The following BMP6 variants were observed in gnomAD, a reference collection of about 807,000 sequenced individuals.
The protein encoded by BMP6 is bone morphogenetic protein 6.
In BMP6, 17 loss-of-function variants were observed where a neutral mutation model predicts 54.1. That is an observed-to-expected ratio of 0.31 (90% CI 0.22 to 0.47). The LOEUF (loss-of-function observed/expected upper bound fraction) is 0.47, where lower values mean the gene tolerates loss of function less well. Ranked by LOEUF, BMP6 falls within the 20% of genes least tolerant of loss-of-function variation. The pLI, the probability that BMP6 is intolerant of heterozygous loss-of-function variation, is 1.00. For synonymous variants in BMP6, 328 were observed against 291.2 expected, an observed-to-expected ratio of 1.13 and a Z score of -1.28; for missense variants, 720 against 690.4, an observed-to-expected ratio of 1.04 and a Z score of -0.48.
intron 1 of BMP6, among the ~76,000 whole-genome samples, chr6:7,837,034 T>C (rs1758886742): frequency 6.6e-6 from 1 of 152,254 alleles, no homozygotes. Flanking sequence ...ACGTGAAATA[T>C]TTGGAAAATG....
chr6:7,789,939 T>A (rs1758070476), intron 1 of BMP6, among the ~76,000 whole-genome samples: 1 of 152,146 alleles, frequency 6.6e-6, no homozygotes, highest in African/African-American at 2.4e-5. Flanking sequence ...GTCATTTTGA[T>A]GAAATGACCA....
At chr6:7,823,623 A>T (rs376034835) in intron 1 of BMP6, among the ~76,000 whole-genome samples, 5 of 152,190 alleles carry the variant, frequency 3.3e-5, no homozygotes, top group African/African-American at 1.2e-4. Context: ...GGGCAGGTCT[A>T]CCTAACACAG....
intron 1 of BMP6, among the ~76,000 whole-genome samples, chr6:7,828,555 C>G (rs960366348): frequency 1.3e-5 from 2 of 152,246 alleles, no homozygotes; most frequent in Non-Finnish European, 2.9e-5. Flanking sequence ...CTGTCCCTTG[C>G]TGCTTCCAGG....
At chr6:7,879,197 A>ACTCTCAT in intron 5 of BMP6, 47 bp downstream of exon 5, 1 of 1,552,368 alleles carries the variant, frequency 6.4e-7, no homozygotes. Flanking sequence ...TCAGCAGTTT[A>ACTCTCAT]CTCTCATCTG....
chr6:7,756,074 T>G (rs1368692488), intron 1 of BMP6, among the ~76,000 whole-genome samples: 1 of 152,110 alleles, frequency 6.6e-6, no homozygotes, highest in Non-Finnish European at 1.5e-5. Flanking sequence ...TTTATTTAAA[T>G]TCAGAAAAAT....
chr6:7,879,068 C>T lies in BMP6; in HGVS notation c.1205-6C>T. The T allele has an allele frequency of 6.2e-7, 1 of 1,613,512 alleles. No homozygotes were observed. Among genetic ancestry groups the T allele is most frequent in the African/African-American group, 1.3e-5 (1 of 75,014 alleles). Reference sequence around the variant, plus strand: ...GATGGGTGCATCTTTTGATCTCCTCCAACAGATTACAACAGCAGTGAATTG... The same window carrying T: ...GATGGGTGCATCTTTTGATCTCCTCTAACAGATTACAACAGCAGTGAATTG... On this transcript the variant is annotated splice_polypyrimidine_tract_variant and splice_region_variant and intron_variant, in intron 4 of 6. Transcript: ENST00000283147.
chr6:7,782,102 T>G (rs1757956915), intron 1 of BMP6, among the ~76,000 whole-genome samples: 1 of 150,594 alleles, frequency 6.6e-6, no homozygotes, highest in African/African-American at 2.4e-5. Context: ...TTGAGAGAGA[T>G]TCAGGGGGCA....
intron 1 of BMP6, among the ~76,000 whole-genome samples, chr6:7,816,432 C>A (rs753012815): frequency 4.1e-4 from 63 of 152,278 alleles, no homozygotes; most frequent in Middle Eastern, 6.8e-3. Flanking sequence ...AATTTAAACC[C>A]AGGTCTGTGT....
chr6:7,820,955 T>A (rs1021545953), intron 1 of BMP6, among the ~76,000 whole-genome samples: 1 of 152,210 alleles, frequency 6.6e-6, no homozygotes, highest in Non-Finnish European at 1.5e-5. Context: ...CCAAGGCTAA[T>A]CTGACAGGAG....
At chr6:7,830,145 AC>A (rs528588295) in intron 1 of BMP6, among the ~76,000 whole-genome samples, 34 of 150,236 alleles carry the variant, frequency 2.3e-4, no homozygotes, top group African/African-American at 6.4e-4. Context: ...TGGCAAGAGC[AC>A]CCCCCCTCTC....
At chr6:7,783,960 T>C (rs931325457) in intron 1 of BMP6, among the ~76,000 whole-genome samples, 14 of 152,380 alleles carry the variant, frequency 9.2e-5, no homozygotes, top group African/African-American at 3.4e-4. Context: ...AGTTTCATCC[T>C]TGTAGATAGG....
At chr6:7,818,787 C>T (rs566410607) in intron 1 of BMP6, among the ~76,000 whole-genome samples, 13 of 152,356 alleles carry the variant, frequency 8.5e-5, no homozygotes, top group African/African-American at 3.1e-4. Flanking sequence ...GGTCACACGC[C>T]TCATGCCTAG....
intron 2 of BMP6, among the ~76,000 whole-genome samples, chr6:7,856,616 A>G (rs1250240465): frequency 3.7e-5 from 1 of 27,374 alleles, no homozygotes; most frequent in Non-Finnish European, 5.9e-5. Context: ...TTTTTTTTTG[A>G]GACGGAGTCT....
rs1157524490 is a variant in BMP6, at chr6:7,726,663, G to A, written c.-293G>A. 6.3e-6 allele frequency: 1 copy of A among 158,976 alleles called. No individual in the cohort carries two copies. The highest frequency in any genetic ancestry group is 1.8e-4 in the East Asian group (1 of 5,530). 9.8% of individuals were successfully genotyped at this position (158,976 alleles called of 1,614,324 possible). ...GCTGCAGTGCAGCCCGGACTCAGACGCACCTGGCCTGGACCGCGCGCCTCT... is the reference window on the plus strand; with the variant it reads ...GCTGCAGTGCAGCCCGGACTCAGACACACCTGGCCTGGACCGCGCGCCTCT... On this transcript the variant is annotated 5_prime_UTR_variant, in exon 1 of 7. Coordinates refer to ENST00000283147, the MANE Select transcript of BMP6 (RefSeq NM_001718.6).
intron 1 of BMP6, among the ~76,000 whole-genome samples, chr6:7,799,893 C>T (rs150170877): frequency 4.6e-5 from 7 of 152,216 alleles, no homozygotes; most frequent in Non-Finnish European, 8.8e-5. Flanking sequence ...CTTAAGGAAC[C>T]GATCACTTAT....
chr6:7,832,752 G>A (rs1195436286), intron 1 of BMP6, among the ~76,000 whole-genome samples: 1 of 146,552 alleles, frequency 6.8e-6, no homozygotes, highest in African/African-American at 2.5e-5. Flanking sequence ...GATGACGTAG[G>A]GGCACCAAGC....
chr6:7,825,157 AAAT>A lies in BMP6; in HGVS notation c.665-19981_665-19979del, dbSNP rs369121243. On this transcript the variant is annotated intron_variant, in intron 1 of 6. Transcript: ENST00000283147. ...CATTGTGAGACCCCATTTCTACAAA[AAAT>A]ATTTTGAAAACTAGCTGGGTATGGT... Among the ~76,000 whole-genome samples the A allele has an allele frequency of 4.7e-4, 72 of 152,292 alleles. No homozygotes were observed. The South Asian group carries it at 0.015, about 31-fold the overall frequency.
intron 1 of BMP6, among the ~76,000 whole-genome samples, chr6:7,769,738 C>CGA (rs1554119846): frequency 1.3e-4 from 20 of 151,766 alleles, no homozygotes; most frequent in Non-Finnish European, 2.5e-4. Context: ...AAAAGTCAAA[C>CGA]GACAATCTAT....
rs1759703378 is a variant in BMP6, at chr6:7,880,666, C to T, written c.*323C>T. ...ACCAAAATTAGTTTTAGCTGTAGAT[C>T]AAGCTATTTGGGGTGTTTGTTAGTA... On this transcript the variant is annotated 3_prime_UTR_variant, in exon 7 of 7. Transcript: ENST00000283147. 2.7e-6 allele frequency: 1 copy of T among 369,688 alleles called. No homozygotes were observed. The highest frequency in any genetic ancestry group is 5.0e-6 in the Non-Finnish European group (1 of 200,224). 22.9% of individuals were successfully genotyped at this position (369,688 alleles called of 1,614,324 possible).
Sources: allele counts gnomAD v4.1 joint callset (sites outside exome capture counted in the v4.1 genomes callset), GRCh38; gene constraint gnomAD v4.1.1; transcripts MANE v1.5; gene names NCBI Gene and HGNC (gene_info 2026-07-23, HGNC 2026-07-21).